ACOX3: variants seen among roughly 807,000 people sequenced by gnomAD.
The protein encoded by ACOX3 is peroxisomal acyl-coenzyme A oxidase 3.
Under a neutral mutation model 81.5 loss-of-function variants are expected in ACOX3, and 73 were observed. The ratio of observed to expected loss-of-function variants is 0.90; its 90% CI spans 0.74 to 1.09. The LOEUF (loss-of-function observed/expected upper bound fraction) is 1.09. Ranked by LOEUF, ACOX3 falls within the 50% of genes least tolerant of loss-of-function variation. ACOX3 has a pLI of 0.00. For synonymous variants in ACOX3, 387 were observed against 375.1 expected (o/e 1.03, Z -0.37); for missense variants, 947 against 928.0 (o/e 1.02, Z -0.27).
At chr4:8,363,398 A>G (rs954281905), downstream of ACOX3, among the ~76,000 whole-genome samples, 1 of 152,246 alleles carries the variant, frequency 6.6e-6, no homozygotes, top group Non-Finnish European at 1.5e-5. Flanking sequence ...CTCAAGAGTT[A>G]TGAATGGCTC....
Position 8,367,042 on chromosome 4 carries a change from G to T in ACOX3, c.2022C>A (p.Ser674Arg). Residue 674 changes from serine (S) to arginine (R), a missense_variant, in exon 18 of 18, where the codon AGC (serine) becomes AGA (arginine). Ser to Arg is a moderately radical substitution (Grantham distance 110). Coordinates refer to ENST00000356406, the MANE Select transcript of ACOX3 (RefSeq NM_003501.3). Reference protein sequence around the residue: ...KNLWGAVLQESKVLERASWWP... With the variant: ...KNLWGAVLQERKVLERASWWP... ...ACCAGGATGCCCGCTCCAACACCTT[G>T]CTTTCCTGCAGGACAGCGCCCCAGA... 6.2e-7 allele frequency: 1 copy of T among 1,614,070 alleles called. No homozygotes were observed. The highest frequency in any genetic ancestry group is 1.1e-5 in the South Asian group (1 of 91,086).
chr4:8,428,236 G>A (rs1723696896), intron 1 of ACOX3: 1 of 152,154 alleles, frequency 6.6e-6, no homozygotes, highest in South Asian at 2.1e-4. Flanking sequence ...CACACCCCCG[G>A]GCCTGGCACT....
chr4:8,410,408 G>T, intron 5 of ACOX3, 53 bp from the exon 6 acceptor site: 2 of 1,594,786 alleles, frequency 1.3e-6, no homozygotes, highest in South Asian at 2.2e-5. Flanking sequence ...AGCACATGCA[G>T]AATTGGTGTT....
intron 1 of ACOX3, among the ~76,000 whole-genome samples, chr4:8,420,770 G>A (rs1722852480): frequency 1.3e-5 from 2 of 152,132 alleles, no homozygotes; most frequent in African/African-American, 2.4e-5. Flanking sequence ...CATCGCCATC[G>A]CAGACCCACC....
chr4:8,408,286 G>T (rs1310660472), intron 6 of ACOX3, among the ~76,000 whole-genome samples: 1 of 148,340 alleles, frequency 6.7e-6, no homozygotes, highest in African/African-American at 2.5e-5. Context: ...AAAAAAGAAA[G>T]AAACCTGCAA....
intron 6 of ACOX3, 108 bp downstream of exon 6, chr4:8,410,104 A>T (rs1418208317): frequency 7.1e-7 from 1 of 1,404,544 alleles, no homozygotes; most frequent in African/African-American, 1.4e-5. Context: ...CACTCACCAG[A>T]TGCCAGAAGC....
At position 8,384,592 on chromosome 4, in the gene ACOX3, C is replaced by T. The variant is rs1718077766; in HGVS notation, c.1538-2985G>A. Among the ~76,000 whole-genome samples, 1 of 152,198 alleles carries T rather than the reference C, an allele frequency of 6.6e-6. No homozygotes were observed. Among genetic ancestry groups the T allele is most frequent in the South Asian group, 2.1e-4 (1 of 4,818 alleles). ...GGACTCTCGAAGGTGCCCCCAGCCG[C>T]CCTGTGCACCCAATGACTGCCCCTC... is the stretch of plus-strand genomic sequence containing the variant. On this transcript the variant is annotated intron_variant, in intron 13 of 17. Coordinates refer to ENST00000356406, the MANE Select transcript of ACOX3 (RefSeq NM_003501.3). The surrounding 1 kb of genome is among the most constrained non-coding windows in gnomAD (Gnocchi z 5.3).
intron 17 of ACOX3, among the ~76,000 whole-genome samples, chr4:8,369,118 C>T (rs372301997): frequency 6.6e-6 from 1 of 152,180 alleles, no homozygotes; most frequent in Non-Finnish European, 1.5e-5. Context: ...GCCTCAGAGA[C>T]GGGCCTGCCT....
chr4:8,397,615 C>T (rs1703666987), intron 8 of ACOX3, among the ~76,000 whole-genome samples: 1 of 152,228 alleles, frequency 6.6e-6, no homozygotes, highest in African/African-American at 2.4e-5. Flanking sequence ...TGGAATCTTC[C>T]GTCCACTATC....
rs185170791 is a variant in ACOX3 at position 8,368,450 on chromosome 4, G to A, written c.1984-1370C>T. Among the ~76,000 whole-genome samples, 37 of 152,336 alleles carry A rather than the reference G, an allele frequency of 2.4e-4. No individual in the cohort carries two copies. In the East Asian group the frequency reaches 4.4e-3, roughly 18 times the overall value. On this transcript the variant is annotated intron_variant, in intron 17 of 17. Coordinates refer to ENST00000356406, the MANE Select transcript of ACOX3 (RefSeq NM_003501.3). The surrounding 1 kb of genome is among the most constrained non-coding windows in gnomAD (Gnocchi z 5.9). ...GTGGTCTATTGTGTATCCAGCTTAC[G>A]CTGACCCATTTTATTGAGAAGAAAC...
chr4:8,368,127 C>T lies in ACOX3; in HGVS notation c.1984-1047G>A, dbSNP rs991469638. ...TCACACCCCAGGCCGCTACAGGCCGCACAGGTGGCACGTGGCCACCAGCAG... is the reference window on the plus strand; with the variant it reads ...TCACACCCCAGGCCGCTACAGGCCGTACAGGTGGCACGTGGCCACCAGCAG... On this transcript the variant is annotated intron_variant, in intron 17 of 17. Transcript: ENST00000356406. The surrounding 1 kb of genome is among the most constrained non-coding windows in gnomAD (Gnocchi z 5.9). Among the ~76,000 whole-genome samples, 1 of 152,256 alleles carries T rather than the reference C, an allele frequency of 6.6e-6. No individual in the cohort carries two copies. Among genetic ancestry groups the T allele is most frequent in the African/African-American group, 2.4e-5 (1 of 41,470 alleles).
downstream of ACOX3, among the ~76,000 whole-genome samples, chr4:8,364,743 G>A (rs917876433): frequency 6.6e-6 from 1 of 152,196 alleles, no homozygotes; most frequent in Non-Finnish European, 1.5e-5. This position sits in a 1 kb window ranked among gnomAD's most constrained non-coding sequence, Gnocchi z 5.0. Context: ...CAACTTCTGT[G>A]ACCTGCTGGT....
At chr4:8,383,665 G>C (rs1717967581) in intron 13 of ACOX3, among the ~76,000 whole-genome samples, 1 of 152,196 alleles carries the variant, frequency 6.6e-6, no homozygotes, top group African/African-American at 2.4e-5. Flanking sequence ...TCAGTGCCCA[G>C]GCCGTGGCTC....
the ACOX3 span, chr4:8,357,212 T>C: frequency 1.1e-5 from 5 of 456,580 alleles, no homozygotes; most frequent in African/African-American, 6.0e-5. Flanking sequence ...AGGAGAACAG[T>C]GCACACTAAC....
chr4:8,364,979 TTGGGAGCC>T (rs1715332445), downstream of ACOX3, among the ~76,000 whole-genome samples: 1 of 151,836 alleles, frequency 6.6e-6, no homozygotes, highest in Admixed American at 6.6e-5. The surrounding 1 kb of genome is among the most constrained non-coding windows in gnomAD (Gnocchi z 5.0). Context: ...ATCAGAGGAC[TTGGGAGCC>T]TGTTCCTTCT....
intron 5 of ACOX3, among the ~76,000 whole-genome samples, chr4:8,410,682 A>AGCTGTCTGTGCACTGTGGGCGGG (rs1180484973): frequency 2.6e-5 from 4 of 151,940 alleles, no homozygotes; most frequent in East Asian, 1.9e-4. Context: ...CTGTGGGCGG[A>AGCTGTCTGTGCACTGTGGGCGGG]GCTGTCTGTG....
In ACOX3 at chr4:8,414,186, G is replaced by A; in HGVS notation, c.543+106C>T. On this transcript the variant is annotated intron_variant, in intron 5 of 17. Coordinates refer to ENST00000356406, the MANE Select transcript of ACOX3 (RefSeq NM_003501.3). The surrounding 1 kb of genome is among the most constrained non-coding windows in gnomAD (Gnocchi z 6.1). ...TTTCTACACAAGTGTATGTGGACAG[G>A]CCTCTTGCTTTAATGTTTTTTTTTT... 1.1e-6 allele frequency: 1 copy of A among 944,666 alleles called. No homozygotes were observed. Among genetic ancestry groups the A allele is most frequent in the Non-Finnish European group, 1.7e-6 (1 of 591,524 alleles). 58.5% of individuals were successfully genotyped at this position (944,666 alleles called of 1,614,324 possible). A position where few individuals can be genotyped will look rare whatever the true frequency, so the allele number is the denominator to read the frequency against.
rs1172355374 is a variant in ACOX3 at position 8,368,398 on chromosome 4, C to CCCAGA, written c.1984-1323_1984-1319dup. Among the ~76,000 whole-genome samples the CCCAGA allele has an allele frequency of 6.6e-6, 1 of 152,242 alleles. No individual in the cohort carries two copies. Among genetic ancestry groups the CCCAGA allele is most frequent in the Non-Finnish European group, 1.5e-5 (1 of 68,050 alleles). On this transcript the variant is annotated intron_variant, in intron 17 of 17. Coordinates refer to ENST00000356406, the MANE Select transcript of ACOX3 (RefSeq NM_003501.3). The surrounding 1 kb of genome is among the most constrained non-coding windows in gnomAD (Gnocchi z 5.9). ...ACCCGTGCAGGGTGGAAAGGGGCAGCCCAGACCATCTCCAGGGCCTGGGGA... is the reference window on the plus strand; with the variant it reads ...ACCCGTGCAGGGTGGAAAGGGGCAGCCCAGACCAGACCATCTCCAGGGCCTGGGGA...
Position 8,438,585 on chromosome 4 carries a change from C to A in ACOX3, c.-15+2063G>T, listed in dbSNP as rs192916977. Among the ~76,000 whole-genome samples the A allele has an allele frequency of 3.6e-3, 541 of 152,210 alleles. 2 individuals are homozygous for A. Among genetic ancestry groups the A allele is most frequent in the African/African-American group, 0.012 (505 of 41,518 alleles). On this transcript the variant is annotated intron_variant, in intron 1 of 17. Transcript: ENST00000356406. ...ACTAAAGGAATTAACCTTAAGAAAG[C>A]AAATGCAGATTTTAGAAATAGCCAT... is the stretch of plus-strand genomic sequence containing the variant.
Sources: allele counts gnomAD v4.1 joint callset (sites outside exome capture counted in the v4.1 genomes callset), GRCh38; gene constraint gnomAD v4.1.1; non-coding constraint Gnocchi (gnomAD v3.1); transcripts MANE v1.5; gene names NCBI Gene and HGNC (gene_info 2026-07-23, HGNC 2026-07-21).